SHISA9: variants seen among roughly 807,000 people sequenced by gnomAD.
SHISA9 encodes shisa family member 9.
SHISA9 carries 13 observed loss-of-function variants against 38.0 expected under a neutral mutation model. The observed-to-expected ratio is 0.34, with a 90% confidence interval of 0.22 to 0.54. SHISA9 has a LOEUF of 0.54. Among genes scored for constraint, SHISA9 ranks in the 20% least tolerant of loss-of-function variants. The pLI is 0.91. For missense variants in SHISA9, 538 were observed against 575.8 expected (o/e 0.93, Z 0.67); for synonymous variants, 275 against 242.0 (o/e 1.14, Z -1.27).
intron 2 of SHISA9, among the ~76,000 whole-genome samples, chr16:12,964,652 A>C (rs983863141): frequency 6.6e-6 from 1 of 152,310 alleles, no homozygotes; most frequent in Middle Eastern, 3.4e-3. Context: ...GGCCCGAGAC[A>C]GAAAGAATTC....
chr16:13,112,277 T>G (rs1039304881), intron 2 of SHISA9, among the ~76,000 whole-genome samples: 5 of 151,708 alleles, frequency 3.3e-5, no homozygotes, highest in African/African-American at 9.7e-5. Flanking sequence ...GCATATTTGT[T>G]GAATTGAAGC....
the SHISA9 span, among the ~76,000 whole-genome samples, chr16:13,264,947 G>A: frequency 6.5e-5 from 8 of 122,588 alleles, no homozygotes; most frequent in East Asian, 7.2e-4. Context: ...TCCTTTTCTC[G>A]TCTTCTCTTC....
the SHISA9 span, among the ~76,000 whole-genome samples, chr16:13,527,016 A>C: frequency 6.6e-6 from 1 of 152,094 alleles, no homozygotes; most frequent in South Asian, 2.1e-4. Flanking sequence ...GACCTCATAC[A>C]CTGACTTTTT....
At chr16:13,340,482 C>T in the SHISA9 span, among the ~76,000 whole-genome samples, 4 of 152,254 alleles carry the variant, frequency 2.6e-5, no homozygotes, top group Admixed American at 2.6e-4. Flanking sequence ...TGCCATGTGA[C>T]CTCAGCCTTT....
At chr16:13,011,258 A>T (rs1459002908) in intron 2 of SHISA9, among the ~76,000 whole-genome samples, 4 of 151,890 alleles carry the variant, frequency 2.6e-5, no homozygotes, top group Admixed American at 2.6e-4. Context: ...ATGCGTGTAG[A>T]TAGTAAAATA....
chr16:12,927,784 G>T (rs2071411488), intron 2 of SHISA9, among the ~76,000 whole-genome samples: 1 of 152,010 alleles, frequency 6.6e-6, no homozygotes, highest in Non-Finnish European at 1.5e-5. Flanking sequence ...TCTGTCCCCG[G>T]TGCTGAACCA....
chr16:13,065,529 T>C (rs2073424161), intron 2 of SHISA9, among the ~76,000 whole-genome samples: 1 of 152,252 alleles, frequency 6.6e-6, no homozygotes, highest in Non-Finnish European at 1.5e-5. Flanking sequence ...TAAAAAATGA[T>C]AACTTTAGGC....
chr16:13,435,978 C>T, the SHISA9 span, among the ~76,000 whole-genome samples: 3 of 152,106 alleles, frequency 2.0e-5, no homozygotes, highest in African/African-American at 7.2e-5. Flanking sequence ...GAGTTTTGGA[C>T]CTCTGCTGTC....
chr16:13,533,564 C>T, the SHISA9 span, among the ~76,000 whole-genome samples: 2 of 152,006 alleles, frequency 1.3e-5, no homozygotes, highest in African/African-American at 4.8e-5. Flanking sequence ...TCACCCCACC[C>T]CCACCACCAA....
the SHISA9 span, chr16:13,458,773 C>T: frequency 0.26 from 47,450 of 183,472 alleles, 6,422 homozygotes; most frequent in South Asian, 0.35. Flanking sequence ...ATTGAATTCT[C>T]GTCAAACTGA....
intron 2 of SHISA9, among the ~76,000 whole-genome samples, chr16:13,196,171 G>A (rs1308441584): frequency 2.7e-5 from 4 of 150,632 alleles, no homozygotes; most frequent in Non-Finnish European, 4.4e-5. Flanking sequence ...GCTGAGGTGG[G>A]CGGATCACGA....
At chr16:13,096,087 A>T (rs1465484228) in intron 2 of SHISA9, among the ~76,000 whole-genome samples, 4 of 152,250 alleles carry the variant, frequency 2.6e-5, no homozygotes, top group Non-Finnish European at 4.4e-5. Flanking sequence ...TTAGCTGGTT[A>T]ACGATGAACA....
intron 2 of SHISA9, among the ~76,000 whole-genome samples, chr16:13,155,055 A>G (rs2142007480): frequency 1.3e-5 from 2 of 152,378 alleles, no homozygotes; most frequent in Admixed American, 1.3e-4. Flanking sequence ...AGACAATGAA[A>G]TAATGACATG....
the SHISA9 span, among the ~76,000 whole-genome samples, chr16:13,365,550 G>A: frequency 6.2e-5 from 9 of 144,504 alleles, no homozygotes; most frequent in South Asian, 2.3e-4. Context: ...TCCGCCTCCC[G>A]GGTTCAAGCT....
chr16:13,554,935 G>A, the SHISA9 span, among the ~76,000 whole-genome samples: 2,578 of 152,304 alleles, frequency 0.017, 39 homozygotes, highest in Non-Finnish European at 0.028. Context: ...ACATCCCTGT[G>A]CCTTGGGTTA....
intron 2 of SHISA9, among the ~76,000 whole-genome samples, chr16:13,013,595 G>A (rs1056569545): frequency 6.6e-6 from 1 of 152,176 alleles, no homozygotes; most frequent in Admixed American, 6.5e-5. Context: ...TTATAAGCCT[G>A]TAGGAAGGGT....
the SHISA9 span, among the ~76,000 whole-genome samples, chr16:13,493,698 T>C: frequency 4.0e-5 from 6 of 150,744 alleles, no homozygotes; most frequent in Non-Finnish European, 1.5e-5. Context: ...AGAGCCAAGA[T>C]GTGAGAACTA....
chr16:13,240,798 A>T (rs1183620649), downstream of SHISA9, among the ~76,000 whole-genome samples: 1 of 152,178 alleles, frequency 6.6e-6, no homozygotes, highest in Non-Finnish European at 1.5e-5. Flanking sequence ...GGAAGATTCG[A>T]TTCTTCCCCT....
intron 2 of SHISA9, among the ~76,000 whole-genome samples, chr16:12,970,499 T>A (rs867903657): frequency 4.9e-3 from 88 of 17,940 alleles, no homozygotes; most frequent in African/African-American, 0.011. Context: ...ATATATATAT[T>A]TTTTTTTTTT....
Sources: allele counts gnomAD v4.1 joint callset (sites outside exome capture counted in the v4.1 genomes callset), GRCh38; gene constraint gnomAD v4.1.1; transcripts MANE v1.5; gene names NCBI Gene and HGNC (gene_info 2026-07-23, HGNC 2026-07-21).